Variants in PCDH15 observed in about 807,000 individuals in gnomAD.
The protein encoded by PCDH15 is protocadherin related 15.
A neutral mutation model predicts 178.5 loss-of-function variants in PCDH15; 129 were observed. The observed-to-expected ratio is 0.72, with a 90% confidence interval of 0.63 to 0.84. The LOEUF is 0.84. Ranked by LOEUF, PCDH15 falls within the 40% of genes least tolerant of loss-of-function variation. The pLI, the probability that PCDH15 is intolerant of heterozygous loss-of-function variation, is 0.00. For missense variants in PCDH15, 2,230 were observed against 2,099.9 expected, an observed-to-expected ratio of 1.06 and a Z score of -1.21; for synonymous variants, 800 against 732.0, an observed-to-expected ratio of 1.09 and a Z score of -1.50.
intron 13 of PCDH15, among the ~76,000 whole-genome samples, chr10:54,179,588 A>T (rs1021643527): frequency 4.4e-4 from 67 of 151,552 alleles, no homozygotes; most frequent in East Asian, 9.7e-4. Context: ...AATAAAATTT[A>T]AAAAAAAAGA....
At chr10:53,912,241 C>G (rs1033092494) in intron 25 of PCDH15, among the ~76,000 whole-genome samples, 3 of 152,132 alleles carry the variant, frequency 2.0e-5, no homozygotes, top group African/African-American at 7.2e-5. Context: ...TGACAAAATT[C>G]AACAGCCCTT....
chr10:54,053,035 G>A (rs115112539), intron 18 of PCDH15, among the ~76,000 whole-genome samples: 33 of 152,256 alleles, frequency 2.2e-4, no homozygotes, highest in African/African-American at 7.2e-4. Flanking sequence ...GTGGAACTGT[G>A]AGTTAATTAA....
intron 2 of PCDH15, among the ~76,000 whole-genome samples, chr10:55,388,858 T>TC (rs908045998): frequency 6.6e-6 from 1 of 151,998 alleles, no homozygotes; most frequent in African/African-American, 2.4e-5. Flanking sequence ...CTTTAATGTC[T>TC]CCCCCATCAT....
intron 2 of PCDH15, among the ~76,000 whole-genome samples, chr10:55,576,544 T>A (rs971577887): frequency 8.5e-5 from 13 of 152,204 alleles, no homozygotes; most frequent in African/African-American, 3.1e-4. Context: ...AAATGAATAC[T>A]CCCAAATGGG....
chr10:54,751,123 AT>A (rs1024769991), intron 1 of PCDH15, among the ~76,000 whole-genome samples: 2 of 152,140 alleles, frequency 1.3e-5, no homozygotes, highest in Non-Finnish European at 2.9e-5. Context: ...TTAATACTAT[AT>A]TACAATATTT....
chr10:54,707,994 A>G (rs2095383537), intron 1 of PCDH15, among the ~76,000 whole-genome samples: 1 of 152,240 alleles, frequency 6.6e-6, no homozygotes, highest in South Asian at 2.1e-4. Flanking sequence ...GAGTTAAGTA[A>G]GTAAATAAGT....
intron 1 of PCDH15, among the ~76,000 whole-genome samples, chr10:54,774,437 T>C (rs1328633140): frequency 6.6e-6 from 1 of 152,140 alleles, no homozygotes; most frequent in Non-Finnish European, 1.5e-5. Flanking sequence ...AGATACTATG[T>C]ATCTACTATA....
At chr10:54,483,934 A>G (rs1302729469) in intron 3 of PCDH15, among the ~76,000 whole-genome samples, 1 of 151,936 alleles carries the variant, frequency 6.6e-6, no homozygotes, top group Non-Finnish European at 1.5e-5. Context: ...GCCTGTATCC[A>G]AACTTGAGTT....
intron 8 of PCDH15, among the ~76,000 whole-genome samples, chr10:54,281,822 C>T (rs1252082318): frequency 1.3e-5 from 2 of 151,932 alleles, no homozygotes; most frequent in African/African-American, 4.8e-5. Context: ...GCCAGCCCAA[C>T]ATAACTATTA....
At chr10:53,983,352 AAAAGAG>A (rs2090832064) in intron 21 of PCDH15, among the ~76,000 whole-genome samples, 1 of 147,884 alleles carries the variant, frequency 6.8e-6, no homozygotes, top group Non-Finnish European at 1.5e-5. Context: ...CTTAAAGGAC[AAAAGAG>A]AAAGAAAAAA....
At chr10:54,994,560 T>A (rs768179143) in intron 2 of PCDH15, among the ~76,000 whole-genome samples, 1 of 152,160 alleles carries the variant, frequency 6.6e-6, no homozygotes, top group Admixed American at 6.5e-5. Flanking sequence ...TTTCAGATTA[T>A]AGAAGTTTAC....
chr10:55,475,196 G>A (rs540818621), intron 2 of PCDH15, among the ~76,000 whole-genome samples: 22 of 152,074 alleles, frequency 1.4e-4, no homozygotes, highest in African/African-American at 5.1e-4. Context: ...CCGAAGGAAG[G>A]GCATTAATTT....
rs2133801703 is a variant in PCDH15 at position 54,183,594 on chromosome 10, C to A, written c.1441-1G>T. 6.2e-7 allele frequency: 1 copy of A among 1,613,698 alleles called. No homozygotes were observed. On this transcript the variant is annotated splice_acceptor_variant, in intron 12 of 37. Coordinates refer to ENST00000644397, the MANE Select transcript of PCDH15 (RefSeq NM_001384140.1). LOFTEE classifies it high-confidence loss of function. ...CTTGTACACCATCAAATGCTGTTAT[C>A]TTTGGGAGGAGAAAAATACACTTAG...
At chr10:55,151,494 G>C in intron 2 of PCDH15, among the ~76,000 whole-genome samples, 1 of 151,928 alleles carries the variant, frequency 6.6e-6, no homozygotes, top group South Asian at 2.1e-4. Context: ...CAAGAATGTA[G>C]ATATTCATTA....
chr10:55,031,805 A>C (rs1459732849), intron 2 of PCDH15, among the ~76,000 whole-genome samples: 2 of 152,070 alleles, frequency 1.3e-5, no homozygotes, highest in Non-Finnish European at 2.9e-5. Flanking sequence ...CAGACAACCA[A>C]ACCTGCCAGT....
chr10:53,883,100 T>C (rs928226839), intron 26 of PCDH15, among the ~76,000 whole-genome samples: 3 of 152,148 alleles, frequency 2.0e-5, no homozygotes, highest in Non-Finnish European at 4.4e-5. Context: ...CCTAGTTTAC[T>C]GAAAGAATAC....
At chr10:55,487,738 T>C (rs1447368043) in intron 2 of PCDH15, among the ~76,000 whole-genome samples, 1 of 151,662 alleles carries the variant, frequency 6.6e-6, no homozygotes, top group Admixed American at 6.6e-5. Context: ...CAATAGCATA[T>C]ATTTGAGTAT....
intron 3 of PCDH15, among the ~76,000 whole-genome samples, chr10:54,430,425 A>G (rs1458132476): frequency 6.6e-6 from 1 of 152,162 alleles, no homozygotes; most frequent in Non-Finnish European, 1.5e-5. Flanking sequence ...TCACAAAACA[A>G]GTCTTAAAAC....
At chr10:54,838,374 C>T (rs1417523610) in intron 3 of PCDH15, among the ~76,000 whole-genome samples, 1 of 152,072 alleles carries the variant, frequency 6.6e-6, no homozygotes, top group Non-Finnish European at 1.5e-5. Context: ...AGGCAGTTCC[C>T]CTGCACTCGC....
Sources: allele counts gnomAD v4.1 joint callset (sites outside exome capture counted in the v4.1 genomes callset), GRCh38; gene constraint gnomAD v4.1.1; transcripts MANE v1.5; gene names NCBI Gene and HGNC (gene_info 2026-07-23, HGNC 2026-07-21).